GRIP1: variants seen among roughly 807,000 people sequenced by gnomAD.
The protein encoded by GRIP1 is glutamate receptor-interacting protein 1.
A neutral mutation model predicts 129.9 loss-of-function variants in GRIP1; 45 were observed. That is an observed-to-expected ratio of 0.35 (90% CI 0.27 to 0.44). The LOEUF (loss-of-function observed/expected upper bound fraction) is 0.44. Among genes scored for constraint, GRIP1 ranks in the 20% least tolerant of loss-of-function variants. GRIP1 has a pLI of 1.00. For missense variants in GRIP1, 1,196 were observed against 1,396.8 expected (o/e 0.86, Z 2.29); for synonymous variants, 530 against 520.8 (o/e 1.02, Z -0.24).
At chr12:66,717,507 G>T (rs898853567) in intron 1 of GRIP1, among the ~76,000 whole-genome samples, 3 of 152,060 alleles carry the variant, frequency 2.0e-5, no homozygotes, top group South Asian at 2.1e-4. Flanking sequence ...GACAAGCATC[G>T]TGCCAGAAAA....
chr12:66,686,766 C>T (rs2034800365), intron 1 of GRIP1, among the ~76,000 whole-genome samples: 1 of 152,136 alleles, frequency 6.6e-6, no homozygotes, highest in Non-Finnish European at 1.5e-5. Context: ...ATATTAAAAA[C>T]AAACTACAAA....
intron 1 of GRIP1, among the ~76,000 whole-genome samples, chr12:67,029,410 G>A (rs1480165033): frequency 6.6e-6 from 1 of 151,890 alleles, no homozygotes; most frequent in Non-Finnish European, 1.5e-5. Context: ...CATTGTGCCT[G>A]GCCAAAAAAT....
In GRIP1 at chr12:66,478,351, T is replaced by C. The variant is rs560425622; in HGVS notation, c.725-12929A>G. Reference sequence around the variant, plus strand: ...AGATATCATCTCACACAAGTTAGAATGGCAATCATTAAAAAGTCAGGAAAC... The same window carrying C: ...AGATATCATCTCACACAAGTTAGAACGGCAATCATTAAAAAGTCAGGAAAC... On this transcript the variant is annotated intron_variant, in intron 7 of 24. Transcript: ENST00000359742. Among the ~76,000 whole-genome samples, 3 of 152,268 alleles carry C rather than the reference T, an allele frequency of 2.0e-5. No individual in the cohort carries two copies. In the South Asian group the frequency reaches 6.2e-4, roughly 32 times the overall value.
At chr12:67,042,569 T>G (rs1007432222) in intron 1 of GRIP1, among the ~76,000 whole-genome samples, 3 of 152,216 alleles carry the variant, frequency 2.0e-5, no homozygotes, top group Non-Finnish European at 4.4e-5. Flanking sequence ...CATGTCTTAT[T>G]GCTTATGTGT....
chr12:66,808,858 G>C (rs1035529855), upstream of GRIP1, among the ~76,000 whole-genome samples: 8 of 150,882 alleles, frequency 5.3e-5, no homozygotes, highest in African/African-American at 2.0e-4. Flanking sequence ...CATAAATGTT[G>C]TGAACAATGG....
chr12:66,924,037 G>T (rs891957161), intron 1 of GRIP1, among the ~76,000 whole-genome samples: 4 of 151,974 alleles, frequency 2.6e-5, no homozygotes, highest in Non-Finnish European at 5.9e-5. Flanking sequence ...TAGATGTGGG[G>T]TTTCGCCATG....
At chr12:66,898,884 A>T (rs904074924) in intron 1 of GRIP1, among the ~76,000 whole-genome samples, 1 of 152,132 alleles carries the variant, frequency 6.6e-6, no homozygotes, top group Admixed American at 6.6e-5. Flanking sequence ...ACAGGGATTG[A>T]GTTGTTGAAC....
chr12:66,966,134 A>C (rs949830855), intron 1 of GRIP1, among the ~76,000 whole-genome samples: 1 of 152,214 alleles, frequency 6.6e-6, no homozygotes, highest in African/African-American at 2.4e-5. Flanking sequence ...GCATATATTT[A>C]TAAGGAGAAA....
At chr12:66,829,313 C>T (rs2039474050) in intron 1 of GRIP1, among the ~76,000 whole-genome samples, 1 of 152,054 alleles carries the variant, frequency 6.6e-6, no homozygotes, top group Non-Finnish European at 1.5e-5. Flanking sequence ...ATGCCAGCAG[C>T]CATCAAAAAC....
intron 1 of GRIP1, among the ~76,000 whole-genome samples, chr12:66,643,650 C>T (rs1179519450): frequency 6.6e-6 from 1 of 152,110 alleles, no homozygotes; most frequent in East Asian, 1.9e-4. Flanking sequence ...CTGCAGCCTC[C>T]ACTTCCCTGG....
At chr12:66,422,269 A>C (rs1226009252) in intron 14 of GRIP1, among the ~76,000 whole-genome samples, 1 of 152,220 alleles carries the variant, frequency 6.6e-6, no homozygotes, top group African/African-American at 2.4e-5. Context: ...AGTAAATGCT[A>C]ATGGGACTTC....
chr12:66,670,521 G>A (rs1413422898), intron 1 of GRIP1, among the ~76,000 whole-genome samples: 1 of 152,162 alleles, frequency 6.6e-6, no homozygotes, highest in Non-Finnish European at 1.5e-5. Context: ...CAGTTCTGTG[G>A]AATGAGAGCA....
At chr12:66,984,282 G>A (rs1480068018) in intron 1 of GRIP1, among the ~76,000 whole-genome samples, 1 of 152,212 alleles carries the variant, frequency 6.6e-6, no homozygotes, top group Non-Finnish European at 1.5e-5. Flanking sequence ...ACTCTCATCA[G>A]AGCATCTGAC....
Position 67,000,751 on chromosome 12 carries a change from A to G in GRIP1, c.58+68299T>C, listed in dbSNP as rs1393410377. Among the ~76,000 whole-genome samples the G allele has an allele frequency of 2.0e-5, 3 of 152,228 alleles. No homozygotes were observed. In the South Asian group the frequency reaches 6.2e-4, roughly 32 times the overall value. On this transcript the variant is annotated intron_variant, in intron 1 of 1. Transcript: ENST00000643019. The stretch of plus-strand genomic sequence containing the variant: ...TTACAATTCTTCTCTGTTTTCTGGC[A>G]TATAGATTTTGGATATTGTGGCTTG...
intron 1 of GRIP1, among the ~76,000 whole-genome samples, chr12:66,941,757 T>C (rs961073107): frequency 1.3e-5 from 2 of 152,214 alleles, no homozygotes; most frequent in African/African-American, 2.4e-5. Context: ...TAAAAGGATG[T>C]ACAATTAAAT....
At chr12:66,363,805 G>T (rs2054954302) in intron 23 of GRIP1, among the ~76,000 whole-genome samples, 1 of 152,162 alleles carries the variant, frequency 6.6e-6, no homozygotes. Flanking sequence ...GAAGCAAAAA[G>T]TAGAATGGTG....
chr12:66,517,233 G>C (rs2060872395), intron 6 of GRIP1, among the ~76,000 whole-genome samples: 1 of 152,126 alleles, frequency 6.6e-6, no homozygotes, highest in South Asian at 2.1e-4. Flanking sequence ...AACTAATACA[G>C]AGATGAGTAT....
At chr12:66,868,114 G>C (rs1035895368) in intron 1 of GRIP1, among the ~76,000 whole-genome samples, 1 of 152,040 alleles carries the variant, frequency 6.6e-6, no homozygotes, top group African/African-American at 2.4e-5. Context: ...TCAGCATGTG[G>C]TTCACTCAAA....
chr12:66,619,559 T>G (rs1160188432), intron 1 of GRIP1, among the ~76,000 whole-genome samples: 1 of 152,050 alleles, frequency 6.6e-6, no homozygotes, highest in African/African-American at 2.4e-5. Flanking sequence ...GTTCCAGTGT[T>G]GCCATGTGCC....
Sources: gnomAD v4.1 joint callset for allele counts (sites outside exome capture counted in the v4.1 genomes callset) on GRCh38, gnomAD v4.1.1 for gene constraint, MANE v1.5 for transcripts, NCBI Gene and HGNC (gene_info 2026-07-23, HGNC 2026-07-21) for gene names.